The following RBFOX1 variants were observed in gnomAD, a reference collection of about 807,000 sequenced individuals.
RBFOX1 encodes the protein RNA binding fox-1 homolog 1.
RBFOX1 carries 8 observed loss-of-function variants against 57.7 expected under a neutral mutation model. The observed-to-expected ratio is 0.14, with a 90% confidence interval of 0.08 to 0.25. The LOEUF is 0.25. Among genes scored for constraint, RBFOX1 ranks in the 10% least tolerant of loss-of-function variants. RBFOX1 has a pLI of 1.00. For synonymous variants in RBFOX1, 326 were observed against 222.4 expected, an observed-to-expected ratio of 1.47 and a Z score of -4.15; for missense variants, 611 against 548.5, an observed-to-expected ratio of 1.11 and a Z score of -1.14.
intron 2 of RBFOX1, among the ~76,000 whole-genome samples, chr16:5,475,078 G>A (rs1035804286): frequency 6.6e-6 from 1 of 152,188 alleles, no homozygotes; most frequent in Non-Finnish European, 1.5e-5. Flanking sequence ...TCTCTTGGAA[G>A]TGGCACATGG....
In RBFOX1 at chr16:6,753,943, G is replaced by T. The variant is rs532185279; in HGVS notation, c.-16+99293G>T. Among the ~76,000 whole-genome samples the T allele has an allele frequency of 3.9e-5, 6 of 152,218 alleles. No individual in the cohort carries two copies. In the South Asian group the frequency reaches 6.2e-4, roughly 16 times the overall value. ...GGGTTTGAATGCTTAATTACTGAAG[G>T]AGAAGAGAATCACTCCTTATGGAGC... On this transcript the variant is annotated intron_variant, in intron 3 of 15. Coordinates refer to ENST00000550418, the MANE Select transcript of RBFOX1 (RefSeq NM_018723.4).
Position 5,774,636 on chromosome 16 carries a change from G to T in RBFOX1, c.319-92667G>T, listed in dbSNP as rs193244236. ...TACATGGTGTCTACTGTGTAACAGGGCTTTGGGATACCAGCAGCATTTCCT... is the reference window on the plus strand; with the variant it reads ...TACATGGTGTCTACTGTGTAACAGGTCTTTGGGATACCAGCAGCATTTCCT... On this transcript the variant is annotated intron_variant, in intron 3 of 19. Transcript: ENST00000641259. Among the ~76,000 whole-genome samples, 16 of 152,274 alleles carry T rather than the reference G, an allele frequency of 1.1e-4. No homozygotes were observed. In the East Asian group the frequency reaches 3.1e-3, roughly 29 times the overall value.
chr16:6,897,189 G>T lies in RBFOX1; in HGVS notation c.-15-154868G>T, dbSNP rs201733740. On this transcript the variant is annotated intron_variant, in intron 3 of 15. Transcript: ENST00000550418. ...CTGTAGAGTAGAGATTTAAACACAG[G>T]TTGTTTTCCAGAACCCTACTTCATA... 8.5e-5 allele frequency among the ~76,000 whole-genome samples: 13 copies of T among 152,318 alleles called. 1 individual carries two copies. The East Asian group carries it at 1.4e-3, about 16-fold the overall frequency.
chr16:6,744,236 C>G (rs990646022), intron 3 of RBFOX1, among the ~76,000 whole-genome samples: 1 of 152,052 alleles, frequency 6.6e-6, no homozygotes. Flanking sequence ...ACTGTTGGAA[C>G]TGGAAGGAGA....
chr16:7,497,064 A>T (rs1296917830), intron 4 of RBFOX1, among the ~76,000 whole-genome samples: 3 of 152,072 alleles, frequency 2.0e-5, no homozygotes, highest in Admixed American at 1.3e-4. Flanking sequence ...TCTCCAGCCT[A>T]CCAGCCATTT....
intron 1 of RBFOX1, among the ~76,000 whole-genome samples, chr16:6,237,182 C>T (rs1257583326): frequency 6.6e-6 from 1 of 152,176 alleles, no homozygotes; most frequent in East Asian, 1.9e-4. Context: ...TTATTACGAA[C>T]ACATCTTCCT....
chr16:5,489,028 A>G lies in RBFOX1; in HGVS notation c.258+21774A>G, dbSNP rs544520918. ...TCTGTCATTTTCTGCATTTTCATAC[A>G]TAAGAACGCCAAGGCAGAGATAAAT... On this transcript the variant is annotated intron_variant, in intron 2 of 2. Transcript: ENST00000585867. 1.3e-4 allele frequency among the ~76,000 whole-genome samples: 20 copies of G among 152,348 alleles called. 1 individual carries two copies. The South Asian group carries it at 1.9e-3, about 14-fold the overall frequency.
chr16:7,243,322 A>G (rs1326871936), intron 4 of RBFOX1, among the ~76,000 whole-genome samples: 1 of 152,212 alleles, frequency 6.6e-6, no homozygotes, highest in Non-Finnish European at 1.5e-5. Context: ...TAGGCCAGCA[A>G]CTAGACTTCT....
chr16:7,611,629 C>T (rs972885164), intron 10 of RBFOX1, among the ~76,000 whole-genome samples: 3 of 150,888 alleles, frequency 2.0e-5, no homozygotes, highest in Non-Finnish European at 4.4e-5. Flanking sequence ...AATGTTTTGA[C>T]TCCCCGAGTA....
At chr16:5,760,268 C>G (rs1490757100) in intron 3 of RBFOX1, among the ~76,000 whole-genome samples, 1 of 152,030 alleles carries the variant, frequency 6.6e-6, no homozygotes, top group Non-Finnish European at 1.5e-5. Context: ...GCCTTAGGCA[C>G]TAGGGGTAAA....
intron 1 of RBFOX1, among the ~76,000 whole-genome samples, chr16:6,044,049 A>G (rs569316064): frequency 2.6e-4 from 40 of 152,168 alleles, no homozygotes; most frequent in Non-Finnish European, 4.6e-4. Flanking sequence ...TGAAAACAGT[A>G]TTCTGTAAGT....
chr16:5,297,072 C>T (rs2063688089), intron 1 of RBFOX1, among the ~76,000 whole-genome samples: 2 of 152,102 alleles, frequency 1.3e-5, no homozygotes, highest in South Asian at 4.1e-4. Context: ...CAGGTTCATC[C>T]ATGTTGTTGC....
intron 3 of RBFOX1, among the ~76,000 whole-genome samples, chr16:5,701,258 C>T (rs1032672418): frequency 6.6e-6 from 1 of 152,190 alleles, no homozygotes; most frequent in Non-Finnish European, 1.5e-5. Context: ...ATACTTGAAG[C>T]TAAAATACAG....
chr16:6,790,045 T>A lies in RBFOX1; in HGVS notation c.-16+135395T>A, dbSNP rs188404766. 7.7e-3 allele frequency among the ~76,000 whole-genome samples: 1,158 copies of A among 150,538 alleles called. 19 individuals carry two copies. The highest frequency in any genetic ancestry group is 0.026 in the African/African-American group (1,059 of 41,432). Reference sequence around the variant, plus strand: ...TTGAATTTACTGTTATTTTTCTAAATTTTTGAGATGGAGATTTAATAAACT... The same window carrying A: ...TTGAATTTACTGTTATTTTTCTAAAATTTTGAGATGGAGATTTAATAAACT... On this transcript the variant is annotated intron_variant, in intron 3 of 15. Coordinates refer to ENST00000550418, the MANE Select transcript of RBFOX1 (RefSeq NM_018723.4).
intron 3 of RBFOX1, among the ~76,000 whole-genome samples, chr16:7,010,847 GATT>G (rs1329914649): frequency 6.6e-6 from 1 of 152,194 alleles, no homozygotes; most frequent in African/African-American, 2.4e-5. Flanking sequence ...AAAGTGCTGG[GATT>G]ATAGGCATGA....
chr16:7,661,783 G>C (rs577767695), intron 12 of RBFOX1, among the ~76,000 whole-genome samples: 3 of 152,282 alleles, frequency 2.0e-5, no homozygotes, highest in South Asian at 4.1e-4. Flanking sequence ...TTTTCACAAT[G>C]AGAAAGCTAC....
chr16:5,370,286 A>G (rs1163185886), intron 1 of RBFOX1, among the ~76,000 whole-genome samples: 4 of 151,982 alleles, frequency 2.6e-5, no homozygotes, highest in African/African-American at 4.8e-5. Context: ...CAAGCCCCCA[A>G]GCGTGAGATC....
chr16:7,368,948 G>A (rs1056828196), intron 4 of RBFOX1, among the ~76,000 whole-genome samples: 7 of 152,082 alleles, frequency 4.6e-5, no homozygotes, highest in Non-Finnish European at 4.4e-5. Context: ...GAGAAGGGAG[G>A]TGAATCTTTC....
chr16:7,182,529 G>C (rs1329039261), intron 4 of RBFOX1, among the ~76,000 whole-genome samples: 1 of 152,128 alleles, frequency 6.6e-6, no homozygotes, highest in African/African-American at 2.4e-5. Flanking sequence ...TGTTGTTATA[G>C]AAATATGGAA....
Sources: allele counts gnomAD v4.1 joint callset (sites outside exome capture counted in the v4.1 genomes callset), GRCh38; gene constraint gnomAD v4.1.1; transcripts MANE v1.5; gene names NCBI Gene and HGNC (gene_info 2026-07-23, HGNC 2026-07-21).